Variants in POLQ observed in about 807,000 individuals in gnomAD.
POLQ encodes epididymis secretory sperm binding protein.
In POLQ, 233 loss-of-function variants were observed where a neutral mutation model predicts 259.2. The observed-to-expected ratio is 0.90, with a 90% CI of 0.81 to 1.00. POLQ has a LOEUF of 1.00. Among genes scored for constraint, POLQ ranks in the 50% least tolerant of loss-of-function variants. The pLI is 0.00. For missense variants in POLQ, 2,871 were observed against 3,051.6 expected, an observed-to-expected ratio of 0.94 and a Z score of 1.39; for synonymous variants, 1,025 against 1,048.8, an observed-to-expected ratio of 0.98 and a Z score of 0.44.
intron 4 of POLQ, among the ~76,000 whole-genome samples, chr3:121,538,933 T>C (rs2062336169): frequency 6.6e-6 from 1 of 152,138 alleles, no homozygotes. Context: ...CTTTCCATAA[T>C]GGCAAAAAAA....
chr3:121,444,724 C>T (rs1245165425), intron 26 of POLQ, among the ~76,000 whole-genome samples: 1 of 152,158 alleles, frequency 6.6e-6, no homozygotes, highest in Non-Finnish European at 1.5e-5. Flanking sequence ...TTCAGTGTGA[C>T]ACTAGCTGTG....
At chr3:121,475,277 G>T (rs2047916827) in intron 20 of POLQ, among the ~76,000 whole-genome samples, 1 of 152,076 alleles carries the variant, frequency 6.6e-6, no homozygotes, top group Non-Finnish European at 1.5e-5. Context: ...CAACTTCATT[G>T]GATTCCACAT....
chr3:121,490,288 T>C lies in POLQ; in HGVS notation c.2643A>G (p.Glu881=). ...TEREAAALIV[E]EARMILQQDL... is the part of the protein sequence containing the mutation. ...CCTGCTGCAGAATCATTCTGGCTTC[T>C]TCCACTATAAGGGCTGCTGCTTCCC... The change falls in exon 16 of 30, where the codon GAA becomes GAG. Residue 881 remains glutamate (E), a synonymous_variant. Coordinates refer to ENST00000264233, the MANE Select transcript of POLQ (RefSeq NM_199420.4). 2.5e-6 allele frequency: 4 copies of C among 1,614,236 alleles called. No individual in the cohort carries two copies. Among genetic ancestry groups the C allele is most frequent in the Non-Finnish European group, 3.4e-6 (4 of 1,180,020 alleles).
At chr3:121,538,599 A>C (rs2048467133) in intron 4 of POLQ, among the ~76,000 whole-genome samples, 1 of 152,024 alleles carries the variant, frequency 6.6e-6, no homozygotes. Context: ...AAAAAAAAAA[A>C]AAAAGTATTC....
intron 12 of POLQ, among the ~76,000 whole-genome samples, chr3:121,501,748 G>A (rs2048171678): frequency 6.6e-6 from 1 of 151,570 alleles, no homozygotes; most frequent in Admixed American, 6.6e-5. Flanking sequence ...GGGAGGCTGG[G>A]TGGGCGGGGT....
At chr3:121,486,581 G>A (rs2048013614) in intron 16 of POLQ, among the ~76,000 whole-genome samples, 1 of 149,558 alleles carries the variant, frequency 6.7e-6, no homozygotes, top group Admixed American at 6.7e-5. Flanking sequence ...ATAATTCATG[G>A]GGCTGGGCGC....
chr3:121,482,061 G>A (rs16832333), intron 18 of POLQ, among the ~76,000 whole-genome samples: 2,655 of 152,196 alleles, frequency 0.017, 72 homozygotes, highest in African/African-American at 0.059. Flanking sequence ...TGCTCAGGCC[G>A]ATCCAGTTTA....
At chr3:121,513,272 G>A (rs1275777665) in intron 9 of POLQ, among the ~76,000 whole-genome samples, 1 of 152,042 alleles carries the variant, frequency 6.6e-6, no homozygotes, top group East Asian at 1.9e-4. Flanking sequence ...ATCAATGGCT[G>A]TTTATCCCAG....
chr3:121,468,048 CA>C (rs1262242317), intron 23 of POLQ, among the ~76,000 whole-genome samples: 1 of 152,096 alleles, frequency 6.6e-6, no homozygotes, highest in Non-Finnish European at 1.5e-5. Flanking sequence ...AACAAACAAA[CA>C]AAGAAAACCA....
At chr3:121,452,958 AC>A (rs2047692113) in intron 25 of POLQ, among the ~76,000 whole-genome samples, 1 of 151,930 alleles carries the variant, frequency 6.6e-6, no homozygotes. Flanking sequence ...CTGACCCTTG[AC>A]CCCCGAGCAG....
At chr3:121,535,440 G>A (rs2048443168) in intron 5 of POLQ, among the ~76,000 whole-genome samples, 1 of 152,132 alleles carries the variant, frequency 6.6e-6, no homozygotes, top group South Asian at 2.1e-4. Context: ...TGGAGGCCGG[G>A]CACAGTGGCT....
In POLQ at chr3:121,481,600, G is replaced by A. The variant is rs2047970509; in HGVS notation, c.6183C>T (p.Asn2061=). ...ILIFNSMNQL[N]SLLQKENLQD... is the part of the protein sequence containing the mutation. ...GAAGGTTTTCCTTCTGCAACAAAGA[G>A]TTGAGCTGATTCATAGAGTTGAAGA... The change falls in exon 19 of 30, where the codon AAC becomes AAT. Residue 2061 remains asparagine (N), a synonymous_variant. Coordinates refer to ENST00000264233, the MANE Select transcript of POLQ (RefSeq NM_199420.4). 1 of 1,609,660 alleles carries A rather than the reference G, an allele frequency of 6.2e-7. No individual in the cohort carries two copies. Among genetic ancestry groups the A allele is most frequent in the Admixed American group, 1.7e-5 (1 of 59,322 alleles).
intron 24 of POLQ, among the ~76,000 whole-genome samples, chr3:121,465,719 G>A (rs1227404427): frequency 6.6e-6 from 1 of 152,114 alleles, no homozygotes; most frequent in Non-Finnish European, 1.5e-5. Flanking sequence ...CCACACTCAT[G>A]TAAGAGTGAA....
chr3:121,482,019 A>G (rs979223084), intron 18 of POLQ, among the ~76,000 whole-genome samples: 1 of 152,238 alleles, frequency 6.6e-6, no homozygotes, highest in Admixed American at 6.5e-5. Context: ...GCTTTCAAAG[A>G]AAGGAAAGTT....
In POLQ at chr3:121,472,840, A is replaced by C. The variant is rs142966758; in HGVS notation, c.6543+510T>G. ...CCCTGAAACATCTGTAAAAATGTAA[A>C]ATTAAGCCCCTTCTCTCTTCCCTCC... On this transcript the variant is annotated intron_variant, in intron 21 of 29. Transcript: ENST00000264233. Among the ~76,000 whole-genome samples the C allele has an allele frequency of 3.0e-4, 46 of 152,276 alleles. 1 individual carries two copies. The East Asian group carries it at 8.5e-3, about 28-fold the overall frequency.
At position 121,522,094 on chromosome 3, in the gene POLQ, CAGG is replaced by C. The variant is rs2048340254; in HGVS notation, c.1161_1163del (p.Leu388del). ...AACGTCTTAACTGATCCATCACTTCCAGGAGTTCTTTTTGTTCCAGAATTACTG... is the reference window on the plus strand; with the variant it reads ...AACGTCTTAACTGATCCATCACTTCCAGTTCTTTTTGTTCCAGAATTACTG... On this transcript the variant is annotated inframe_deletion, in exon 8 of 30. Coordinates refer to ENST00000264233, the MANE Select transcript of POLQ (RefSeq NM_199420.4). 7 of 1,610,902 alleles carry C rather than the reference CAGG, an allele frequency of 4.3e-6. No individual in the cohort carries two copies. The highest frequency in any genetic ancestry group is 4.5e-5 in the East Asian group (2 of 44,588).
At chr3:121,459,061 C>G (rs1417152652) in intron 25 of POLQ, among the ~76,000 whole-genome samples, 1 of 152,144 alleles carries the variant, frequency 6.6e-6, no homozygotes, top group African/African-American at 2.4e-5. Flanking sequence ...CAGTGTTAAC[C>G]CAGGCCAAGG....
At chr3:121,480,365 A>G (rs374014987) in intron 19 of POLQ, among the ~76,000 whole-genome samples, 1 of 152,222 alleles carries the variant, frequency 6.6e-6, no homozygotes, top group African/African-American at 2.4e-5. Flanking sequence ...ATTATATTCA[A>G]ACTAAATCTG....
At chr3:121,514,511 T>C (rs987907042) in intron 9 of POLQ, among the ~76,000 whole-genome samples, 3 of 151,972 alleles carry the variant, frequency 2.0e-5, no homozygotes, top group Admixed American at 6.6e-5. Flanking sequence ...CAGCACAGTA[T>C]CACACAGAAA....
Sources: gnomAD v4.1 joint callset for allele counts (sites outside exome capture counted in the v4.1 genomes callset) on GRCh38, gnomAD v4.1.1 for gene constraint, MANE v1.5 for transcripts, NCBI Gene and HGNC (gene_info 2026-07-23, HGNC 2026-07-21) for gene names.